PARD3B: variants seen among roughly 807,000 people sequenced by gnomAD.
The protein encoded by PARD3B is par-3 family cell polarity regulator beta.
Under a neutral mutation model 130.2 loss-of-function variants are expected in PARD3B, and 103 were observed. The ratio of observed to expected loss-of-function variants is 0.79; its 90% CI spans 0.67 to 0.93. The LOEUF (loss-of-function observed/expected upper bound fraction) is 0.93, where lower values mean the gene tolerates loss of function less well. Ranked by LOEUF, PARD3B falls within the 40% of genes least tolerant of loss-of-function variation. The probability of loss-of-function intolerance (pLI) is 0.00; values close to 1 mark genes in which losing one functional copy is unlikely to be tolerated. For missense variants in PARD3B, 1,609 were observed against 1,499.2 expected, an observed-to-expected ratio of 1.07 and a Z score of -1.21; for synonymous variants, 583 against 553.2, an observed-to-expected ratio of 1.05 and a Z score of -0.76.
At chr2:205,363,061 C>T (rs1178573478) in intron 18 of PARD3B, among the ~76,000 whole-genome samples, 1 of 152,058 alleles carries the variant, frequency 6.6e-6, no homozygotes, top group African/African-American at 2.4e-5. Context: ...TTCAGGTTCC[C>T]ACAGGCCCCT....
chr2:204,693,576 C>T lies in PARD3B; in HGVS notation c.222+7294C>T, dbSNP rs564823947. ...TCATCAATTGTTATTGTAATTAACA[C>T]ACTATTAATAATGTAAATTACATTA... On this transcript the variant is annotated intron_variant, in intron 2 of 22. Transcript: ENST00000406610. 2.6e-5 allele frequency among the ~76,000 whole-genome samples: 4 copies of T among 152,144 alleles called. No homozygotes were observed. The East Asian group carries it at 7.7e-4, about 29-fold the overall frequency.
intron 15 of PARD3B, among the ~76,000 whole-genome samples, chr2:205,205,472 C>A (rs566002112): frequency 2.0e-3 from 301 of 152,228 alleles, no homozygotes; most frequent in Non-Finnish European, 3.3e-3. Flanking sequence ...GCCAGAACTT[C>A]CAATACTATG....
At chr2:204,790,549 G>A (rs2042165060) in intron 2 of PARD3B, among the ~76,000 whole-genome samples, 2 of 152,260 alleles carry the variant, frequency 1.3e-5, no homozygotes, top group Admixed American at 1.3e-4. Flanking sequence ...TGGTACCAGT[G>A]ACTGACTGAA....
In PARD3B at chr2:204,883,155, A is replaced by G. The variant is rs189443721; in HGVS notation, c.223-81997A>G. On this transcript the variant is annotated intron_variant, in intron 2 of 22. Transcript: ENST00000406610. ...TGGTTGTTGAATCACCATGGTTGTC[A>G]TAATTACTTACCCAATAAATAGTGG... 9.6e-3 allele frequency among the ~76,000 whole-genome samples: 1,455 copies of G among 152,028 alleles called. 9 individuals carry two copies. Among genetic ancestry groups the G allele is most frequent in the Admixed American group, 0.016 (247 of 15,266 alleles).
intron 1 of PARD3B, among the ~76,000 whole-genome samples, chr2:204,563,634 G>C (rs953521544): frequency 2.9e-4 from 44 of 152,056 alleles, no homozygotes; most frequent in African/African-American, 9.9e-4. Context: ...AAGGTTATTG[G>C]TGTGATTGAC....
At chr2:205,286,284 C>T (rs933050668) in intron 16 of PARD3B, among the ~76,000 whole-genome samples, 1 of 151,970 alleles carries the variant, frequency 6.6e-6, no homozygotes, top group Admixed American at 6.6e-5. Flanking sequence ...TTAGTGTATA[C>T]CTCATATAAT....
intron 2 of PARD3B, among the ~76,000 whole-genome samples, chr2:204,832,683 G>C (rs1163932342): frequency 6.6e-6 from 1 of 152,176 alleles, no homozygotes; most frequent in East Asian, 1.9e-4. Context: ...GGTACGCTGG[G>C]CTTGAGTAGT....
At chr2:205,335,041 A>T (rs1429326064) in intron 18 of PARD3B, among the ~76,000 whole-genome samples, 1 of 152,196 alleles carries the variant, frequency 6.6e-6, no homozygotes, top group Non-Finnish European at 1.5e-5. Flanking sequence ...AGAGTATCTG[A>T]AATTTGAGAT....
intron 20 of PARD3B, among the ~76,000 whole-genome samples, chr2:205,444,524 G>A (rs557155995): frequency 2.8e-4 from 42 of 152,294 alleles, no homozygotes; most frequent in African/African-American, 8.2e-4. Context: ...AGAATGATGC[G>A]TGGTAGCAAG....
At chr2:204,832,256 A>C (rs547073226) in intron 2 of PARD3B, among the ~76,000 whole-genome samples, 12 of 152,196 alleles carry the variant, frequency 7.9e-5, no homozygotes, top group South Asian at 6.2e-4. Context: ...AAAACAAAAA[A>C]AAAAGCTATC....
chr2:204,750,540 C>T (rs2040419222), intron 2 of PARD3B, among the ~76,000 whole-genome samples: 4 of 152,078 alleles, frequency 2.6e-5, no homozygotes, highest in African/African-American at 7.2e-5. Context: ...GAGCCCAGAT[C>T]GCACCACTGC....
At position 205,288,876 on chromosome 2, in the gene PARD3B, C is replaced by A. The variant is rs1281625202; in HGVS notation, c.2186-11654C>A. On this transcript the variant is annotated intron_variant, in intron 16 of 22. Transcript: ENST00000406610. This position sits in a 1 kb window ranked among gnomAD's most constrained non-coding sequence, Gnocchi z 4.0. ...TGTGCTTTCTTTTCTCTGACTTCTG[C>A]AAGCCTAAAATACTCCAGCCCTTAA... Among the ~76,000 whole-genome samples, 1 of 152,192 alleles carries A rather than the reference C, an allele frequency of 6.6e-6. No homozygotes were observed. Among genetic ancestry groups the A allele is most frequent in the Non-Finnish European group, 1.5e-5 (1 of 68,046 alleles).
intron 2 of PARD3B, among the ~76,000 whole-genome samples, chr2:204,762,960 A>G (rs889543823): frequency 7.2e-5 from 11 of 152,080 alleles, no homozygotes; most frequent in African/African-American, 2.4e-4. Flanking sequence ...GTGTTTCTCC[A>G]TGTTGGTCAG....
chr2:205,068,587 T>C (rs1464333259), intron 4 of PARD3B, among the ~76,000 whole-genome samples: 5 of 152,108 alleles, frequency 3.3e-5, no homozygotes, highest in Non-Finnish European at 5.9e-5. Flanking sequence ...AGTTATTTTT[T>C]TTTTTACCTT....
intron 20 of PARD3B, among the ~76,000 whole-genome samples, chr2:205,491,617 T>A (rs1258810900): frequency 2.6e-5 from 4 of 152,172 alleles, no homozygotes; most frequent in African/African-American, 4.8e-5. Flanking sequence ...GGCCTTTGTT[T>A]CTTTATGCTC....
At chr2:205,080,654 G>A (rs1214660670) in intron 4 of PARD3B, among the ~76,000 whole-genome samples, 1 of 152,070 alleles carries the variant, frequency 6.6e-6, no homozygotes, top group African/African-American at 2.4e-5. Context: ...GTGCACAAAT[G>A]TACATGTGTT....
chr2:205,583,204 C>T (rs1341169367), intron 22 of PARD3B, among the ~76,000 whole-genome samples: 3 of 152,164 alleles, frequency 2.0e-5, no homozygotes. Flanking sequence ...GCAGGCACTG[C>T]CTGTGTTATC....
intron 15 of PARD3B, among the ~76,000 whole-genome samples, chr2:205,224,370 C>CAAAAAAAAAAAAAAAAAAAAAAAAA (rs1231030778): frequency 8.9e-5 from 5 of 55,988 alleles, no homozygotes; most frequent in East Asian, 8.0e-4. Context: ...GACTCCGTCT[C>CAAAAAAAAAAAAAAAAAAAAAAAAA]AAAAAAAAAA....
chr2:205,035,396 C>G (rs1697746458), intron 3 of PARD3B, among the ~76,000 whole-genome samples: 1 of 152,050 alleles, frequency 6.6e-6, no homozygotes, highest in Non-Finnish European at 1.5e-5. Flanking sequence ...CAAGTATATT[C>G]TATATAAGAG....
Sources: allele counts gnomAD v4.1 joint callset (sites outside exome capture counted in the v4.1 genomes callset), GRCh38; gene constraint gnomAD v4.1.1; non-coding constraint Gnocchi (gnomAD v3.1); transcripts MANE v1.5; gene names NCBI Gene and HGNC (gene_info 2026-07-23, HGNC 2026-07-21).